Variants in YAE1 observed in about 807,000 individuals in gnomAD.
YAE1 encodes the protein YAE1 maturation factor of ABCE1, also known as protein YAE1 homolog.
A neutral mutation model predicts 23.0 loss-of-function variants in YAE1; 22 were observed. That is an observed-to-expected ratio of 0.96 (90% CI 0.68 to 1.37). The LOEUF is 1.37. YAE1 is among the 40% of genes most tolerant of loss of function. The probability of loss-of-function intolerance (pLI) is 0.00; values close to 1 mark genes in which losing one functional copy is unlikely to be tolerated. For synonymous variants in YAE1, 101 were observed against 97.0 expected, an observed-to-expected ratio of 1.04 and a Z score of -0.24; for missense variants, 260 against 262.1, an observed-to-expected ratio of 0.99 and a Z score of 0.06.
downstream of YAE1, among the ~76,000 whole-genome samples, chr7:39,575,881 T>C (rs142287904): frequency 5.6e-4 from 85 of 152,320 alleles, no homozygotes; most frequent in African/African-American, 1.5e-3. Flanking sequence ...CTCTCCATCA[T>C]TGGACATGAA....
intron 2 of YAE1, among the ~76,000 whole-genome samples, chr7:39,602,439 T>C (rs1351772903): frequency 2.0e-5 from 3 of 152,216 alleles, no homozygotes; most frequent in Non-Finnish European, 2.9e-5. Flanking sequence ...CATAATGAAA[T>C]GATGGATTTC....
chr7:39,572,483 A>G lies in YAE1; in HGVS notation c.458A>G (p.Asp153Gly), dbSNP rs778075257. 2 of 1,614,182 alleles carry G rather than the reference A, an allele frequency of 1.2e-6. No homozygotes were observed. Among genetic ancestry groups the G allele is most frequent in the East Asian group, 2.2e-5 (1 of 44,882 alleles). ...CHVVPAEKKIDEAKDERLCEN... is the reference protein window; with the variant it reads ...CHVVPAEKKIGEAKDERLCEN... ...GTAGTTCCAGCTGAGAAAAAGATTG[A>G]TGAAGCTAAAGATGAAAGACTCTGT... The change falls in exon 3 of 3, where the codon GAT becomes GGT. Residue 153 changes from aspartate (D) to glycine (G), a missense_variant. Transcript: ENST00000223273.
downstream of YAE1, among the ~76,000 whole-genome samples, chr7:39,574,523 A>G (rs899848242): frequency 8.5e-5 from 13 of 152,126 alleles, no homozygotes; most frequent in Non-Finnish European, 1.2e-4. Context: ...GCCTGACCTC[A>G]GGAGTTCAAG....
chr7:39,610,143 T>C, exon 3 of YAE1: 1 of 835,510 alleles, frequency 1.2e-6, no homozygotes, highest in Non-Finnish European at 1.8e-6. Context: ...TCTCTCAAAC[T>C]ATGAAGAGAA....
rs557916834 is a variant in YAE1, at chr7:39,595,228, AT to A, written c.252-14380del. ...TGAGTAGAAACATTATAGACTAGGG[AT>A]TTTTTTTTCCAAGGTTAAGGACATT... On this transcript the variant is annotated intron_variant, in intron 2 of 2. Coordinates refer to the YAE1 transcript ENST00000432096. Among the ~76,000 whole-genome samples, 743 of 151,544 alleles carry A rather than the reference AT, an allele frequency of 4.9e-3. 3 individuals are homozygous for A. The highest frequency in any genetic ancestry group is 0.017 in the African/African-American group (707 of 41,332).
chr7:39,607,145 T>C (rs1221577535), intron 2 of YAE1, among the ~76,000 whole-genome samples: 3 of 152,256 alleles, frequency 2.0e-5, no homozygotes, highest in African/African-American at 7.2e-5. Context: ...GTTTACTTAA[T>C]GTCATAAGTT....
At position 39,568,094 on chromosome 7, in the gene YAE1, C is replaced by T. The variant is rs189559423; in HGVS notation, c.129+1547C>T. On this transcript the variant is annotated intron_variant, in intron 1 of 2. Transcript: ENST00000223273. ...CTCTACTAAAAATACAAAAATTAGC[C>T]GGGTATAGTGGCGTGCACCTATAGT... Among the ~76,000 whole-genome samples the T allele has an allele frequency of 1.1e-4, 16 of 151,958 alleles. No individual in the cohort carries two copies. The East Asian group carries it at 2.9e-3, about 28-fold the overall frequency.
chr7:39,591,637 G>A (rs1046119007), intron 2 of YAE1, among the ~76,000 whole-genome samples: 2 of 151,024 alleles, frequency 1.3e-5, no homozygotes, highest in Admixed American at 6.6e-5. Context: ...GTCCACCACC[G>A]GATTGGTACA....
intron 2 of YAE1, among the ~76,000 whole-genome samples, chr7:39,592,449 T>G (rs1790914335): frequency 6.6e-6 from 1 of 152,190 alleles, no homozygotes; most frequent in Non-Finnish European, 1.5e-5. Flanking sequence ...CAACTTACCA[T>G]GGCGTTATAA....
At position 39,590,342 on chromosome 7, in the gene YAE1, T is replaced by G. The variant is rs142203062; in HGVS notation, c.252-19275T>G. ...TTTTTTAAAGATGCTTATTGAGTAC[T>G]TAAGATATGTCAGATAATTGCTAAG... On this transcript the variant is annotated intron_variant, in intron 2 of 2. Coordinates refer to the YAE1 transcript ENST00000432096. Among the ~76,000 whole-genome samples the G allele has an allele frequency of 1.8e-4, 28 of 152,350 alleles. No homozygotes were observed. The East Asian group carries it at 5.4e-3, about 29-fold the overall frequency.
intron 2 of YAE1, among the ~76,000 whole-genome samples, chr7:39,588,629 G>C (rs749681463): frequency 6.6e-6 from 1 of 152,048 alleles, no homozygotes; most frequent in Non-Finnish European, 1.5e-5. Flanking sequence ...CAAAGGAGAA[G>C]ACTTTGATAC....
intron 2 of YAE1, among the ~76,000 whole-genome samples, chr7:39,593,093 C>G (rs1376229120): frequency 6.6e-6 from 1 of 150,678 alleles, no homozygotes; most frequent in Non-Finnish European, 1.5e-5. Flanking sequence ...CCTTTTATCT[C>G]CAATCTACAG....
chr7:39,604,383 A>C (rs977044873), intron 2 of YAE1, among the ~76,000 whole-genome samples: 1 of 152,212 alleles, frequency 6.6e-6, no homozygotes, highest in Non-Finnish European at 1.5e-5. Context: ...ATTGTCTTAG[A>C]CCAATCAGGA....
chr7:39,574,528 T>C (rs1790623945), downstream of YAE1, among the ~76,000 whole-genome samples: 1 of 150,670 alleles, frequency 6.6e-6, no homozygotes, highest in Admixed American at 6.6e-5. Context: ...ACCTCAGGAG[T>C]TCAAGACCAG....
chr7:39,609,171 G>C (rs1349320871), intron 2 of YAE1, among the ~76,000 whole-genome samples: 1 of 152,322 alleles, frequency 6.6e-6, no homozygotes, highest in Non-Finnish European at 1.5e-5. Context: ...TAGACAGGAA[G>C]AATAACCAGG....
Position 39,572,641 on chromosome 7 carries a change from A to C in YAE1, c.616A>C (p.Thr206Pro), listed in dbSNP as rs1790591677. 2.5e-6 allele frequency: 4 copies of C among 1,613,712 alleles called. No individual in the cohort carries two copies. Among genetic ancestry groups the C allele is most frequent in the East Asian group, 2.2e-5 (1 of 44,892 alleles). ...NPSPTWILEQTASLVKQLGLS... is the reference protein window; with the variant it reads ...NPSPTWILEQPASLVKQLGLS... ...AAGCCCCACATGGATTTTGGAACAG[A>C]CAGCCAGTTTAGTTAAACAGCTGGG... is the stretch of plus-strand genomic sequence containing the variant. The change falls in exon 3 of 3, where the codon ACA (threonine) becomes CCA (proline). Residue 206 changes from threonine (T) to proline (P), a missense_variant. By Grantham distance (38) the Thr-to-Pro change is conservative (BLOSUM62 -1). Coordinates refer to ENST00000223273, the MANE Select transcript of YAE1 (RefSeq NM_020192.5).
downstream of YAE1, among the ~76,000 whole-genome samples, chr7:39,576,280 G>C (rs999067295): frequency 1.3e-5 from 2 of 152,162 alleles, no homozygotes; most frequent in Non-Finnish European, 2.9e-5. Flanking sequence ...CAATCTAGCT[G>C]TCTTCCTGTC....
intron 2 of YAE1, among the ~76,000 whole-genome samples, chr7:39,586,790 G>A (rs930866407): frequency 3.9e-5 from 6 of 152,154 alleles, no homozygotes; most frequent in African/African-American, 1.4e-4. Context: ...AGCCACTGCA[G>A]TCGGCCGATA....
In YAE1 at chr7:39,566,553, C is replaced by T; in HGVS notation, c.129+6C>T. 6.2e-7 allele frequency: 1 copy of T among 1,613,426 alleles called. No homozygotes were observed. The highest frequency in any genetic ancestry group is 1.1e-5 in the South Asian group (1 of 91,044). On this transcript the variant is annotated splice_donor_region_variant and intron_variant, in intron 1 of 2. Coordinates refer to ENST00000223273, the MANE Select transcript of YAE1 (RefSeq NM_020192.5). ...ACATGCAAAGACGAGTCAAAGTAAA[C>T]GTGGTGTGGACGGCGCGGGGTGCTG...
Sources: allele counts gnomAD v4.1 joint callset (sites outside exome capture counted in the v4.1 genomes callset), GRCh38; gene constraint gnomAD v4.1.1; transcripts MANE v1.5; gene names NCBI Gene and HGNC (gene_info 2026-07-23, HGNC 2026-07-21).